The following CACNA1A variants were observed in gnomAD, a reference collection of about 807,000 sequenced individuals.
CACNA1A encodes calcium voltage-gated channel subunit alpha1 A, also known as voltage-dependent P/Q-type calcium channel subunit alpha-1A.
A neutral mutation model predicts 262.4 loss-of-function variants in CACNA1A; 57 were observed. That is an observed-to-expected ratio of 0.22 (90% CI 0.18 to 0.27). CACNA1A has a LOEUF of 0.27. CACNA1A is among the 10% of genes least tolerant of loss of function. The probability of loss-of-function intolerance (pLI) is 1.00; values close to 1 mark genes in which losing one functional copy is unlikely to be tolerated. For synonymous variants in CACNA1A, 1,431 were observed against 1,419.3 expected, an observed-to-expected ratio of 1.01 and a Z score of -0.18; for missense variants, 2,526 against 3,562.8, an observed-to-expected ratio of 0.71 and a Z score of 7.41.
intron 10 of CACNA1A, among the ~76,000 whole-genome samples, chr19:13,321,112 C>A (rs544030188): frequency 6.6e-6 from 1 of 150,420 alleles, no homozygotes; most frequent in Non-Finnish European, 1.5e-5. Flanking sequence ...TGGCTCATTG[C>A]AACCTCTGCC....
chr19:13,475,667 T>C (rs1353409574), intron 1 of CACNA1A, among the ~76,000 whole-genome samples: 1 of 152,206 alleles, frequency 6.6e-6, no homozygotes, highest in Non-Finnish European at 1.5e-5. Context: ...AAGTGGGACC[T>C]GAATTCAAGA....
chr19:13,360,474 ATT>A (rs58721308), intron 5 of CACNA1A, among the ~76,000 whole-genome samples: 8,737 of 126,088 alleles, frequency 0.069, 560 homozygotes, highest in African/African-American at 0.25. Context: ...TGCCACTAGA[ATT>A]TTTTTTTTTT....
At chr19:13,216,927 G>A (rs1405965019) in intron 38 of CACNA1A, among the ~76,000 whole-genome samples, 1 of 152,096 alleles carries the variant, frequency 6.6e-6, no homozygotes, top group Admixed American at 6.6e-5. Flanking sequence ...GCTTGAAAGA[G>A]GATAGGGTCC....
At chr19:13,276,322 C>G (rs932904223) in intron 23 of CACNA1A, among the ~76,000 whole-genome samples, 10 of 152,242 alleles carry the variant, frequency 6.6e-5, no homozygotes, top group African/African-American at 2.4e-4. Context: ...TGGTCACCAG[C>G]CTGATCCTGT....
rs1260014636 is a variant in CACNA1A, at chr19:13,212,307, G to GT, written c.6189+76dup. Reference sequence around the variant, plus strand: ...GAGGGAGGGAGCTGCAGGTGTGTGTGTGTGGGGGGCCCAGATCCCTTCCAC... The same window carrying GT: ...GAGGGAGGGAGCTGCAGGTGTGTGTGTTGTGGGGGGCCCAGATCCCTTCCAC... On this transcript the variant is annotated intron_variant, in intron 42 of 46. Transcript: ENST00000360228. The surrounding 1 kb of genome is among the most constrained non-coding windows in gnomAD (Gnocchi z 5.6). The GT allele has an allele frequency of 1.9e-6, 3 of 1,568,004 alleles. No individual in the cohort carries two copies. In the Admixed American group the frequency reaches 5.1e-5, roughly 27 times the overall value.
At chr19:13,234,755 G>A (rs1490703365) in intron 34 of CACNA1A, 166 bp downstream of exon 34, 2 of 422,522 alleles carry the variant, frequency 4.7e-6, no homozygotes, top group Non-Finnish European at 7.8e-6. Flanking sequence ...AGAAGGGCAC[G>A]CCCCCTACCG....
At chr19:13,417,498 A>T (rs1308583104) in intron 3 of CACNA1A, among the ~76,000 whole-genome samples, 1 of 152,142 alleles carries the variant, frequency 6.6e-6, no homozygotes, top group Non-Finnish European at 1.5e-5. Context: ...CCAGTCGTGG[A>T]TTCTCTGTTT....
chr19:13,480,306 G>A (rs1394836738), intron 1 of CACNA1A, among the ~76,000 whole-genome samples: 1 of 152,086 alleles, frequency 6.6e-6, no homozygotes, highest in Non-Finnish European at 1.5e-5. Context: ...AGACAATGAG[G>A]ATGAAGACCT....
At chr19:13,303,920 C>A (rs202110625) in intron 15 of CACNA1A, 36 bp from the exon 16 acceptor site, 19 of 1,440,314 alleles carry the variant, frequency 1.3e-5, no homozygotes, top group African/African-American at 2.8e-5. Flanking sequence ...GCCAACCCCC[C>A]TCTCAGCCAC....
intron 7 of CACNA1A, 75 bp from the exon 8 acceptor site, chr19:13,334,568 T>TGC: frequency 1.5e-6 from 1 of 650,902 alleles, no homozygotes; most frequent in Non-Finnish European, 2.7e-6. Context: ...TGTTTGTGTG[T>TGC]GTGTGTGTGT....
rs1476231083 is a variant in CACNA1A, at chr19:13,275,807, T to C, written c.3989+43A>G. The C allele has an allele frequency of 5.3e-6, 7 of 1,317,402 alleles. No individual in the cohort carries two copies. In the East Asian group the frequency reaches 7.0e-5, roughly 13 times the overall value. The allele number at this position is 1,317,402 out of a possible 1,614,324, so 81.6% of individuals were successfully genotyped here. A position where few individuals can be genotyped will look rare whatever the true frequency, so the allele number is the denominator to read the frequency against. On this transcript the variant is annotated intron_variant, in intron 24 of 46. Transcript: ENST00000360228. ...TCCGATGTGTGGCCCAGGCTGGGGG[T>C]TGGGGGAAAAGAGGCAAGAGGAACC... is the stretch of plus-strand genomic sequence containing the variant.
rs368081042 is a variant in CACNA1A at position 13,298,884 on chromosome 19, C to T, written c.2749G>A (p.Glu917Lys). ...EGSLEQPGFW[E>K]GEAERGKAGD... ...GCCTTGCCTCGCTCGGCCTCGCCCT[C>T]CCAGAACCCGGGTTGCTCCAGGCTG... Residue 917 changes from glutamate (E) to lysine (K), a missense_variant, in exon 19 of 47, where the codon GAG (glutamate) becomes AAG (lysine). Glu to Lys is a moderately conservative substitution (Grantham distance 56). This residue lies in a region of CACNA1A where 765 missense variants were observed against 748.6 expected (regional missense o/e 1.02). Coordinates refer to ENST00000360228, the MANE Select transcript of CACNA1A (RefSeq NM_001127222.2). 6 of 1,593,836 alleles carry T rather than the reference C, an allele frequency of 3.8e-6. No homozygotes were observed. The African/African-American group carries it at 6.7e-5, about 18-fold the overall frequency.
chr19:13,335,109 A>C, intron 7 of CACNA1A, among the ~76,000 whole-genome samples: 1 of 152,132 alleles, frequency 6.6e-6, no homozygotes, highest in South Asian at 2.1e-4. Context: ...TGCATACCTC[A>C]TTCTCATTCT....
At chr19:13,234,625 C>G (rs2055804434) in intron 34 of CACNA1A, among the ~76,000 whole-genome samples, 1 of 152,106 alleles carries the variant, frequency 6.6e-6, no homozygotes, top group Admixed American at 6.5e-5. Flanking sequence ...CCACGACACC[C>G]ATTTCCAGCC....
chr19:13,266,490 A>G (rs1212165211), intron 24 of CACNA1A, among the ~76,000 whole-genome samples: 2 of 152,202 alleles, frequency 1.3e-5, no homozygotes, highest in Non-Finnish European at 2.9e-5. Context: ...ACAAGTGACA[A>G]TTGGGAGCAT....
chr19:13,353,395 T>C lies in CACNA1A; in HGVS notation c.978+6211A>G, dbSNP rs952535021. ...GATCCACCCATCTCAGACTCCCAAA[T>C]TGCTGGAATTACAGGCATGAACCAC... is the stretch of plus-strand genomic sequence containing the variant. On this transcript the variant is annotated intron_variant, in intron 6 of 46. Transcript: ENST00000360228. 4.6e-5 allele frequency among the ~76,000 whole-genome samples: 7 copies of C among 150,894 alleles called. No individual in the cohort carries two copies. In the East Asian group the frequency reaches 1.4e-3, roughly 30 times the overall value.
At chr19:13,376,906 A>G (rs1316394251) in intron 3 of CACNA1A, among the ~76,000 whole-genome samples, 1 of 145,700 alleles carries the variant, frequency 6.9e-6, no homozygotes, top group Non-Finnish European at 1.5e-5. Flanking sequence ...TGTGATATAT[A>G]ATTTATATTA....
intron 1 of CACNA1A, among the ~76,000 whole-genome samples, chr19:13,499,331 G>A (rs765223211): frequency 2.0e-4 from 30 of 151,860 alleles, no homozygotes; most frequent in Non-Finnish European, 3.4e-4. Context: ...AAGTGGCCAC[G>A]AATTTTTTTT....
At chr19:13,462,365 G>GT (rs1181304343) in intron 1 of CACNA1A, among the ~76,000 whole-genome samples, 7 of 152,146 alleles carry the variant, frequency 4.6e-5, no homozygotes, top group African/African-American at 1.7e-4. Flanking sequence ...TCATTTTCAT[G>GT]TAAGTTCCAT....
Sources: allele counts gnomAD v4.1 joint callset (sites outside exome capture counted in the v4.1 genomes callset), GRCh38; gene constraint gnomAD v4.1.1; regional missense constraint gnomAD v4.1.1; non-coding constraint Gnocchi (gnomAD v3.1); transcripts MANE v1.5; gene names NCBI Gene and HGNC (gene_info 2026-07-23, HGNC 2026-07-21).